EXOC3L4: variants seen among roughly 807,000 people sequenced by gnomAD.
EXOC3L4 encodes exocyst complex component 3 like 4, also known as exocyst complex component 3-like protein 4.
Under a neutral mutation model 69.7 loss-of-function variants are expected in EXOC3L4, and 62 were observed. The observed-to-expected ratio is 0.89, with a 90% confidence interval of 0.72 to 1.10. The LOEUF (loss-of-function observed/expected upper bound fraction) is 1.10, where lower values mean the gene tolerates loss of function less well. Among genes scored for constraint, EXOC3L4 ranks in the 50% least tolerant of loss-of-function variants. The pLI is 0.00. For missense variants in EXOC3L4, 1,087 were observed against 1,034.8 expected, an observed-to-expected ratio of 1.05 and a Z score of -0.69; for synonymous variants, 502 against 464.2, an observed-to-expected ratio of 1.08 and a Z score of -1.05.
chr14:103,106,177 C>T (rs1213921253), intron 7 of EXOC3L4, among the ~76,000 whole-genome samples: 1 of 152,254 alleles, frequency 6.6e-6, no homozygotes, highest in Non-Finnish European at 1.5e-5. Flanking sequence ...GGCCACGTAG[C>T]CAGGAAGTGG....
Position 103,110,251 on chromosome 14 carries a change from C to T in EXOC3L4, c.*28C>T, listed in dbSNP as rs540381520. 20 of 1,495,458 alleles carry T rather than the reference C, an allele frequency of 1.3e-5. No individual in the cohort carries two copies. The South Asian group carries it at 1.7e-4, about 13-fold the overall frequency. The allele number at this position is 1,495,458 out of a possible 1,614,324, so 92.6% of individuals were successfully genotyped here. A position where few individuals can be genotyped will look rare whatever the true frequency, so the allele number is the denominator to read the frequency against. ...CTCTCTGGCTCGAGGGGGGGCCGGC[C>T]GCTGGCAGGGAGCTGTGGTCAGTGG... On this transcript the variant is annotated 3_prime_UTR_variant, in exon 12 of 12. Coordinates refer to ENST00000688303, the MANE Select transcript of EXOC3L4 (RefSeq NM_001077594.2).
rs976159239 is a variant in EXOC3L4, at chr14:103,110,366, G to A, written c.*143G>A. On this transcript the variant is annotated 3_prime_UTR_variant, in exon 12 of 12. Coordinates refer to ENST00000688303, the MANE Select transcript of EXOC3L4 (RefSeq NM_001077594.2). ...GAATTTTTGTCGTCAGCAGCCAAGC[G>A]CAGCTGTCAGGCCAGAAGGAGCAGC... 151 of 998,796 alleles carry A rather than the reference G, an allele frequency of 1.5e-4. No individual in the cohort carries two copies. Among genetic ancestry groups the A allele is most frequent in the Middle Eastern group, 6.1e-4 (3 of 4,936 alleles). The allele number at this position is 998,796 out of a possible 1,614,324, so 61.9% of individuals were successfully genotyped here.
rs936848333 is a variant in EXOC3L4, at chr14:103,102,719, C to G, written c.996C>G (p.Arg332=). 69 of 1,454,082 alleles carry G rather than the reference C, an allele frequency of 4.7e-5. No individual in the cohort carries two copies. Among genetic ancestry groups the G allele is most frequent in the Non-Finnish European group, 6.1e-5 (68 of 1,107,338 alleles). The allele number at this position is 1,454,082 out of a possible 1,614,324, so 90.1% of individuals were successfully genotyped here. A position where few individuals can be genotyped will look rare whatever the true frequency, so the allele number is the denominator to read the frequency against. ...QRLQELARDA[R]GCEQLYILLD... ...TCCAGGAGCTCGCGCGCGACGCCCGCGGCTGCGAGCAGCTCTATATCCTGC... is the reference window on the plus strand; with the variant it reads ...TCCAGGAGCTCGCGCGCGACGCCCGGGGCTGCGAGCAGCTCTATATCCTGC... The change falls in exon 3 of 12, where the codon CGC becomes CGG. Residue 332 remains arginine (R), a synonymous_variant. Coordinates refer to ENST00000688303, the MANE Select transcript of EXOC3L4 (RefSeq NM_001077594.2).
intron 11 of EXOC3L4, 95 bp downstream of exon 11, chr14:103,108,612 A>C: frequency 6.6e-7 from 1 of 1,508,176 alleles, no homozygotes; most frequent in Non-Finnish European, 8.9e-7. Flanking sequence ...CTGACTGCCC[A>C]GGGGCCTGAA....
chr14:103,108,543 G>A, intron 11 of EXOC3L4, 26 bp downstream of exon 11: 1 of 1,608,070 alleles, frequency 6.2e-7, no homozygotes, highest in Admixed American at 1.7e-5. Context: ...GCTTCCACTA[G>A]CTTCCTACCA....
chr14:103,108,435 G>A lies in EXOC3L4; in HGVS notation c.1894G>A (p.Val632Met), dbSNP rs142666277. 125 of 1,613,878 alleles carry A rather than the reference G, an allele frequency of 7.7e-5. No homozygotes were observed. The African/African-American group carries it at 1.2e-3, about 15-fold the overall frequency. Residue 632 changes from valine to methionine, a missense_variant, in exon 11 of 12, where the codon GTG becomes ATG. Coordinates refer to ENST00000688303, the MANE Select transcript of EXOC3L4 (RefSeq NM_001077594.2). ...ATWLDQAIQCVAEILGETYKD... is the reference protein window; with the variant it reads ...ATWLDQAIQCMAEILGETYKD... The stretch of plus-strand genomic sequence containing the variant: ...ATGGTTGGACCAAGCCATCCAGTGC[G>A]TGGCTGAGATCCTGGGCGAGACCTA...
Position 103,104,985 on chromosome 14 carries a change from G to T in EXOC3L4, c.1386-7G>T, listed in dbSNP as rs1250532310. 3 of 1,611,616 alleles carry T rather than the reference G, an allele frequency of 1.9e-6. No individual in the cohort carries two copies. The South Asian group carries it at 3.3e-5, about 18-fold the overall frequency. ...GGTCCCCAAAGGCTCTGTGTATCCC[G>T]CCCCAGGTTTGAAAAGGCTTTTCTG... On this transcript the variant is annotated splice_region_variant and splice_polypyrimidine_tract_variant and intron_variant, in intron 6 of 11. Transcript: ENST00000688303.
intron 3 of EXOC3L4, chr14:103,103,691 G>A: frequency 2.0e-6 from 1 of 502,360 alleles, no homozygotes; most frequent in African/African-American, 2.0e-5. Flanking sequence ...AGAGGGCGGA[G>A]TGCCATCTGG....
Position 103,110,553 on chromosome 14 carries a change from A to G in EXOC3L4, c.*330A>G, listed in dbSNP as rs538671620. 1.6e-4 allele frequency: 64 copies of G among 394,858 alleles called. No homozygotes were observed. The highest frequency in any genetic ancestry group is 1.3e-3 in the African/African-American group (63 of 47,850). The allele number at this position is 394,858 out of a possible 1,614,324, so 24.5% of individuals were successfully genotyped here. A position where few individuals can be genotyped will look rare whatever the true frequency, so the allele number is the denominator to read the frequency against. On this transcript the variant is annotated 3_prime_UTR_variant, in exon 12 of 12. Transcript: ENST00000688303. ...GTATTTATTTAAAAAATAAATGTGA[A>G]TTAAAATGGTGCCTCCCTAAGGAGT...
intron 5 of EXOC3L4, 27 bp from the exon 6 acceptor site, chr14:103,104,711 A>C: frequency 1.4e-6 from 2 of 1,458,028 alleles, no homozygotes; most frequent in African/African-American, 1.4e-5. Context: ...GCTGGGAGGC[A>C]CGCTCAGTGC....
chr14:103,104,266 G>A lies in EXOC3L4; in HGVS notation c.1162-1G>A. 6.3e-7 allele frequency: 1 copy of A among 1,587,384 alleles called. No homozygotes were observed. Among genetic ancestry groups the A allele is most frequent in the Non-Finnish European group, 8.6e-7 (1 of 1,168,744 alleles). ...CCACGGCCCATCCCTTCTCCCCCCA[G>A]GCCAAGATCGCAAGCTGCTTCGACA... On this transcript the variant is annotated splice_acceptor_variant, in intron 4 of 11. Coordinates refer to ENST00000688303, the MANE Select transcript of EXOC3L4 (RefSeq NM_001077594.2). LOFTEE classifies it high-confidence loss of function.
In EXOC3L4 at chr14:103,102,098, C is replaced by T. The variant is rs766016870; in HGVS notation, c.395-20C>T. 1.3e-6 allele frequency: 2 copies of T among 1,583,096 alleles called. No individual in the cohort carries two copies. Among genetic ancestry groups the T allele is most frequent in the Admixed American group, 1.8e-5 (1 of 56,448 alleles). On this transcript the variant is annotated intron_variant, in intron 2 of 11. Coordinates refer to ENST00000688303, the MANE Select transcript of EXOC3L4 (RefSeq NM_001077594.2). ...TCTTGGGGCGGTCCCTCTCACCGCC[C>T]TTCTCGCCCGCCTGTGCAGAAGGCA...
At position 103,110,073 on chromosome 14, in the gene EXOC3L4, C is replaced by T. The variant is rs146196471; in HGVS notation, c.2019C>T (p.Gly673=). ...CCATTCTGGCGCTGCGCCGACTGGG[C>T]CGCCAGCGGAACCAGCATCTCTTGC... ...ILAILALRRL[G]RQRNQHLLQH... Residue 673 remains glycine, a synonymous_variant, in exon 12 of 12, where the codon GGC becomes GGT. Transcript: ENST00000688303. 34 of 1,600,958 alleles carry T rather than the reference C, an allele frequency of 2.1e-5. No individual in the cohort carries two copies. The African/African-American group carries it at 4.1e-4, about 19-fold the overall frequency.
At position 103,107,440 on chromosome 14, in the gene EXOC3L4, T is replaced by C. The variant is rs1316909839; in HGVS notation, c.1598T>C (p.Val533Ala). 1 of 1,613,990 alleles carries C rather than the reference T, an allele frequency of 6.2e-7. No individual in the cohort carries two copies. The highest frequency in any genetic ancestry group is 2.2e-5 in the East Asian group (1 of 44,880). Residue 533 changes from valine to alanine, a missense_variant, in exon 9 of 12, where the codon GTG (valine) becomes GCG (alanine). Physicochemically the swap from Val to Ala is moderately conservative, Grantham distance 64. Transcript: ENST00000688303. Reference sequence around the variant, plus strand: ...TGTCCCCAGCCGCTCTTCAGGGTTGTGTGCACCAGGGACTGGCTGACGCAG... The same window carrying C: ...TGTCCCCAGCCGCTCTTCAGGGTTGCGTGCACCAGGGACTGGCTGACGCAG... ...QRELQPLFRV[V>A]CTRDWLTQDW...
rs764157701 is a variant in EXOC3L4 at position 103,104,393 on chromosome 14, C to A, written c.1284+4C>A. 2.3e-4 allele frequency: 354 copies of A among 1,558,800 alleles called. 2 individuals are homozygous for A. The East Asian group carries it at 8.4e-3, about 37-fold the overall frequency. On this transcript the variant is annotated splice_donor_region_variant and intron_variant, in intron 5 of 11. Transcript: ENST00000688303. The stretch of plus-strand genomic sequence containing the variant: ...GCTGTCCATGGACGTCCATATGGTG[C>A]GGCCCGGGAGCAGGGGCTGAGAAGG...
rs753656172 is a variant in EXOC3L4, at chr14:103,100,606, C to T, written c.387C>T (p.Pro129=). ...STGAASEELK[P]EAEGKSVADL... ...GGGCAGCGTCTGAGGAACTGAAACCCGAGGCAGGTAAGGGCCTCAGAAACA... is the reference window on the plus strand; with the variant it reads ...GGGCAGCGTCTGAGGAACTGAAACCTGAGGCAGGTAAGGGCCTCAGAAACA... The change falls in exon 2 of 12, where the codon CCC becomes CCT. Residue 129 remains proline (P), a synonymous_variant. Transcript: ENST00000688303. 24 of 1,601,504 alleles carry T rather than the reference C, an allele frequency of 1.5e-5. No individual in the cohort carries two copies. The highest frequency in any genetic ancestry group is 2.2e-5 in the East Asian group (1 of 44,498).
chr14:103,098,377 C>T (rs571630584), intron 1 of EXOC3L4, among the ~76,000 whole-genome samples: 1 of 148,400 alleles, frequency 6.7e-6, no homozygotes, highest in East Asian at 2.0e-4. Context: ...CTCCCAGCTC[C>T]AAGCAGGCTC....
rs767448465 is a variant in EXOC3L4 at position 103,107,557 on chromosome 14, G to C, written c.1701+14G>C. The C allele has an allele frequency of 6.2e-7, 1 of 1,613,280 alleles. No individual in the cohort carries two copies. The highest frequency in any genetic ancestry group is 2.2e-5 in the East Asian group (1 of 44,876). ...CCGCGGGCACAGGTACCACAAGGGG[G>C]AGGGCCCTGGCAGGGCTGTGCCCAG... On this transcript the variant is annotated intron_variant, in intron 9 of 11. Transcript: ENST00000688303.
Position 103,102,397 on chromosome 14 carries a change from A to G in EXOC3L4, c.674A>G (p.His225Arg). The part of the protein sequence containing the change: ...ARVVSAEEEA[H>R]PSPPDDGDFL... ...GTGGTGAGCGCGGAGGAGGAAGCCC[A>G]CCCTTCTCCCCCCGACGACGGCGAC... Residue 225 changes from histidine to arginine, a missense_variant, in exon 3 of 12, where the codon CAC becomes CGC. Transcript: ENST00000688303. 2 of 1,544,168 alleles carry G rather than the reference A, an allele frequency of 1.3e-6. No homozygotes were observed. The highest frequency in any genetic ancestry group is 1.7e-6 in the Non-Finnish European group (2 of 1,153,390).
Sources: allele counts gnomAD v4.1 joint callset (sites outside exome capture counted in the v4.1 genomes callset), GRCh38; gene constraint gnomAD v4.1.1; transcripts MANE v1.5; gene names NCBI Gene and HGNC (gene_info 2026-07-23, HGNC 2026-07-21).